ASAP2: variants seen among roughly 807,000 people sequenced by gnomAD.
The protein encoded by ASAP2 is ArfGAP with SH3 domain, ankyrin repeat and PH domain 2.
Under a neutral mutation model 131.4 loss-of-function variants are expected in ASAP2, and 45 were observed. That is an observed-to-expected ratio of 0.34 (90% CI 0.27 to 0.44). The LOEUF (loss-of-function observed/expected upper bound fraction) is 0.44. ASAP2 is among the 20% of genes least tolerant of loss of function. The probability of loss-of-function intolerance (pLI) is 1.00; values close to 1 mark genes in which losing one functional copy is unlikely to be tolerated. For missense variants in ASAP2, 1,011 were observed against 1,297.0 expected, an observed-to-expected ratio of 0.78 and a Z score of 3.39; for synonymous variants, 510 against 503.0, an observed-to-expected ratio of 1.01 and a Z score of -0.19.
At chr2:9,230,388 G>A (rs917968218) in intron 1 of ASAP2, among the ~76,000 whole-genome samples, 16 of 152,346 alleles carry the variant, frequency 1.1e-4, no homozygotes, top group East Asian at 3.9e-4. Context: ...CAGTGCAGCC[G>A]TGACTCTGGC....
At chr2:9,292,001 AC>A (rs1667845505) in intron 2 of ASAP2, among the ~76,000 whole-genome samples, 1 of 151,998 alleles carries the variant, frequency 6.6e-6, no homozygotes, top group Non-Finnish European at 1.5e-5. Context: ...AGAGCACTGG[AC>A]TCAGAGTCAG....
At position 9,207,671 on chromosome 2, in the gene ASAP2, G is replaced by T. The variant is rs1212881326; in HGVS notation, c.126+441G>T. Reference sequence around the variant, plus strand: ...GAGCTCCCCGCCGCAGCCCCCGAGCGCCGCAGGGCCCCCACCCTCGGGTCC... The same window carrying T: ...GAGCTCCCCGCCGCAGCCCCCGAGCTCCGCAGGGCCCCCACCCTCGGGTCC... On this transcript the variant is annotated intron_variant, in intron 1 of 27. Coordinates refer to ENST00000281419, the MANE Select transcript of ASAP2 (RefSeq NM_003887.3). The surrounding 1 kb of genome is among the most constrained non-coding windows in gnomAD (Gnocchi z 4.1). Among the ~76,000 whole-genome samples the T allele has an allele frequency of 6.6e-6, 1 of 152,052 alleles. No homozygotes were observed. The highest frequency in any genetic ancestry group is 1.9e-4 in the East Asian group (1 of 5,152).
intron 6 of ASAP2, among the ~76,000 whole-genome samples, chr2:9,327,361 G>A (rs563160425): frequency 6.6e-6 from 1 of 152,226 alleles, no homozygotes; most frequent in East Asian, 1.9e-4. Context: ...ATTAAACTTT[G>A]TTTTTTTCCA....
chr2:9,337,699 C>T (rs1162998863), intron 9 of ASAP2, among the ~76,000 whole-genome samples: 2 of 152,150 alleles, frequency 1.3e-5, no homozygotes, highest in African/African-American at 4.8e-5. Flanking sequence ...TAGCTTCGTG[C>T]TGCTGTTTCC....
chr2:9,235,062 G>A (rs1043520872), intron 1 of ASAP2, among the ~76,000 whole-genome samples: 1 of 152,090 alleles, frequency 6.6e-6, no homozygotes, highest in South Asian at 2.1e-4. Flanking sequence ...GTCTCCAGAC[G>A]AGCTGAATTT....
intron 6 of ASAP2, among the ~76,000 whole-genome samples, chr2:9,326,673 C>T (rs917133534): frequency 1.3e-5 from 2 of 152,156 alleles, no homozygotes; most frequent in Non-Finnish European, 2.9e-5. Context: ...GTAGATCTTT[C>T]GCTGCTGATG....
chr2:9,252,894 G>A (rs183536616), intron 1 of ASAP2, among the ~76,000 whole-genome samples: 5 of 137,078 alleles, frequency 3.6e-5, no homozygotes, highest in African/African-American at 5.7e-5. Context: ...CCAGCCTCGC[G>A]ACAAAGCGAG....
chr2:9,363,227 G>T (rs868381469), intron 15 of ASAP2, among the ~76,000 whole-genome samples: 57 of 152,026 alleles, frequency 3.7e-4, no homozygotes, highest in Non-Finnish European at 5.1e-4. Context: ...TCCCTATCTC[G>T]ACTATTGTGA....
rs372781516 is a variant in ASAP2 at position 9,393,508 on chromosome 2, C to T, written c.2545C>T (p.Pro849Ser). The change falls in exon 24 of 28, where the codon CCC becomes TCC. Residue 849 changes from proline (P) to serine (S), a missense_variant. Around this residue, in one of 2 missense-constraint regions of ASAP2, gnomAD observed 652 missense variants for 698.9 expected, o/e 0.93. Coordinates refer to ENST00000281419, the MANE Select transcript of ASAP2 (RefSeq NM_003887.3). ...TCCCCTGACCCCCACGCCGCCCCCACCCGTTGCCAAGACGCCCAGCGTAAT... is the reference window on the plus strand; with the variant it reads ...TCCCCTGACCCCCACGCCGCCCCCATCCGTTGCCAAGACGCCCAGCGTAAT... ...TNPLTPTPPP[P>S]VAKTPSVMEA... is the part of the protein sequence containing the mutation. The T allele has an allele frequency of 8.3e-5, 133 of 1,606,898 alleles. No individual in the cohort carries two copies. The highest frequency in any genetic ancestry group is 1.6e-4 in the Middle Eastern group (1 of 6,068).
At chr2:9,317,039 A>G (rs78505509) in intron 3 of ASAP2, among the ~76,000 whole-genome samples, 4,969 of 77,870 alleles carry the variant, frequency 0.064, 230 homozygotes, top group African/African-American at 0.16. Flanking sequence ...ATCATTCCCA[A>G]TCACTCACAT....
chr2:9,331,313 GTTCTTTTATTT>G (rs1310108606), intron 7 of ASAP2, among the ~76,000 whole-genome samples: 1 of 152,152 alleles, frequency 6.6e-6, no homozygotes, highest in Non-Finnish European at 1.5e-5. Flanking sequence ...AATACTTCGT[GTTCTTTTATTT>G]TTATTTCATT....
chr2:9,275,711 G>C (rs530178411), intron 1 of ASAP2, among the ~76,000 whole-genome samples: 13 of 152,252 alleles, frequency 8.5e-5, no homozygotes, highest in African/African-American at 3.1e-4. Flanking sequence ...TTGAGCCCCT[G>C]CATTTTGGGC....
intron 1 of ASAP2, among the ~76,000 whole-genome samples, chr2:9,211,090 G>A (rs1389358568): frequency 6.6e-6 from 1 of 152,008 alleles, no homozygotes; most frequent in Non-Finnish European, 1.5e-5. Flanking sequence ...AAGAGGTAGA[G>A]GTTGCGGTGA....
chr2:9,383,933 C>A (rs7588849), intron 20 of ASAP2, among the ~76,000 whole-genome samples: 1 of 151,882 alleles, frequency 6.6e-6, no homozygotes, highest in Non-Finnish European at 1.5e-5. Flanking sequence ...AAACACCGCA[C>A]GTTCTCACTC....
chr2:9,388,278 C>T lies in ASAP2; in HGVS notation c.2131-16C>T, dbSNP rs1675443850. On this transcript the variant is annotated splice_polypyrimidine_tract_variant and intron_variant, in intron 21 of 27. Transcript: ENST00000281419. Reference sequence around the variant, plus strand: ...ATATTTGTCTCACACGCCTCTGCCCCAATGTTCTCCTGCAGCCCAGTCCCA... The same window carrying T: ...ATATTTGTCTCACACGCCTCTGCCCTAATGTTCTCCTGCAGCCCAGTCCCA... 1 of 1,612,926 alleles carries T rather than the reference C, an allele frequency of 6.2e-7. No homozygotes were observed. The highest frequency in any genetic ancestry group is 8.5e-7 in the Non-Finnish European group (1 of 1,179,870).
Position 9,207,629 on chromosome 2 carries a change from G to C in ASAP2, c.126+399G>C, listed in dbSNP as rs1319460866. Among the ~76,000 whole-genome samples, 1 of 151,952 alleles carries C rather than the reference G, an allele frequency of 6.6e-6. No homozygotes were observed. The highest frequency in any genetic ancestry group is 1.5e-5 in the Non-Finnish European group (1 of 67,908). ...ACTTGTTCTTGAAGTGGACCGGCGGGGGCAGCTCCGCGCTCCGAGCTCCCC... is the reference window on the plus strand; with the variant it reads ...ACTTGTTCTTGAAGTGGACCGGCGGCGGCAGCTCCGCGCTCCGAGCTCCCC... On this transcript the variant is annotated intron_variant, in intron 1 of 27. Transcript: ENST00000281419. This position sits in a 1 kb window ranked among gnomAD's most constrained non-coding sequence, Gnocchi z 4.1.
chr2:9,295,765 G>A (rs1186908593), intron 2 of ASAP2, among the ~76,000 whole-genome samples: 1 of 152,180 alleles, frequency 6.6e-6, no homozygotes, highest in Non-Finnish European at 1.5e-5. Flanking sequence ...TGTTAAAAAA[G>A]AAAAAGGACT....
intron 24 of ASAP2, among the ~76,000 whole-genome samples, chr2:9,395,293 C>A (rs918949860): frequency 6.6e-6 from 1 of 152,032 alleles, no homozygotes. Context: ...GCCAACATGG[C>A]AAAACCCCAC....
rs111921070 is a variant in ASAP2, at chr2:9,368,694, A to G, written c.1556+175A>G. On this transcript the variant is annotated intron_variant, in intron 16 of 27. Transcript: ENST00000281419. ...TAACCTTTTGGGTGACCAAATAGAA[A>G]TTTTTTTAGGAAGAAGCCAAAAGCA... 6.6e-3 allele frequency among the ~76,000 whole-genome samples: 1,010 copies of G among 152,072 alleles called. 11 individuals carry two copies. The highest frequency in any genetic ancestry group is 0.023 in the African/African-American group (956 of 41,478).
Sources: gnomAD v4.1 joint callset for allele counts (sites outside exome capture counted in the v4.1 genomes callset) on GRCh38, gnomAD v4.1.1 for gene constraint, gnomAD v4.1.1 regional missense constraint, Gnocchi (gnomAD v3.1) non-coding constraint, MANE v1.5 for transcripts, NCBI Gene and HGNC (gene_info 2026-07-23, HGNC 2026-07-21) for gene names.